Variants in TIAM2 observed in about 807,000 individuals in gnomAD.
TIAM2 encodes the protein rho guanine nucleotide exchange factor TIAM2.
TIAM2 carries 80 observed loss-of-function variants against 152.9 expected under a neutral mutation model. The observed-to-expected ratio is 0.52, with a 90% confidence interval of 0.44 to 0.63. The LOEUF (loss-of-function observed/expected upper bound fraction) is 0.63. Among genes scored for constraint, TIAM2 ranks in the 30% least tolerant of loss-of-function variants. TIAM2 has a pLI of 0.00. For synonymous variants in TIAM2, 804 were observed against 838.0 expected (o/e 0.96, Z 0.70); for missense variants, 1,965 against 2,120.1 (o/e 0.93, Z 1.44).
chr6:155,056,561 GTTTT>G (rs1023509710), intron 1 of TIAM2, among the ~76,000 whole-genome samples: 8 of 152,048 alleles, frequency 5.3e-5, no homozygotes, highest in African/African-American at 1.9e-4. Context: ...CTCTTTTGCA[GTTTT>G]TTTGCACTCT....
At chr6:155,195,130 A>T (rs1404885022) in intron 14 of TIAM2, among the ~76,000 whole-genome samples, 1 of 152,190 alleles carries the variant, frequency 6.6e-6, no homozygotes, top group African/African-American at 2.4e-5. Flanking sequence ...TACAAACATT[A>T]ACTTTATTTT....
intron 15 of TIAM2, among the ~76,000 whole-genome samples, chr6:155,224,604 A>G (rs1313140629): frequency 6.6e-6 from 1 of 152,208 alleles, no homozygotes; most frequent in Non-Finnish European, 1.5e-5. Context: ...TTTGTTTTAA[A>G]GGCACCCCCA....
chr6:155,106,353 A>C (rs1422779340), intron 2 of TIAM2, among the ~76,000 whole-genome samples: 1 of 152,168 alleles, frequency 6.6e-6, no homozygotes, highest in Non-Finnish European at 1.5e-5. Context: ...AGGATATAGC[A>C]AGACCCCAAA....
intron 1 of TIAM2, among the ~76,000 whole-genome samples, chr6:155,002,807 A>G (rs896771380): frequency 2.0e-5 from 3 of 151,190 alleles, no homozygotes; most frequent in African/African-American, 7.3e-5. Context: ...TAGCTTCCCA[A>G]GTAGTTGGGA....
intron 1 of TIAM2, among the ~76,000 whole-genome samples, chr6:154,996,997 A>G (rs1008521459): frequency 6.9e-6 from 1 of 144,404 alleles, no homozygotes; most frequent in Non-Finnish European, 1.5e-5. Context: ...CAACACCTTC[A>G]CATACCATAC....
chr6:155,117,266 T>C (rs923146516), intron 2 of TIAM2, among the ~76,000 whole-genome samples: 5 of 130,502 alleles, frequency 3.8e-5, no homozygotes, highest in East Asian at 2.8e-4. Context: ...ATTTTGTAAT[T>C]TTGCTTGAAA....
chr6:155,241,106 G>T (rs1370212234), intron 16 of TIAM2, among the ~76,000 whole-genome samples: 1 of 152,226 alleles, frequency 6.6e-6, no homozygotes, highest in Non-Finnish European at 1.5e-5. Context: ...AGTCTTGGCG[G>T]TGGCCCGGGC....
At chr6:155,010,581 G>A (rs375872722) in intron 1 of TIAM2, among the ~76,000 whole-genome samples, 23 of 152,094 alleles carry the variant, frequency 1.5e-4, no homozygotes, top group Non-Finnish European at 3.1e-4. Context: ...TCAGCCTCCC[G>A]AGTAGCTGGG....
At position 155,156,665 on chromosome 6, in the gene TIAM2, A is replaced by T. The variant is rs1350137855; in HGVS notation, c.2029-7750A>T. Among the ~76,000 whole-genome samples, 1 of 152,066 alleles carries T rather than the reference A, an allele frequency of 6.6e-6. No homozygotes were observed. The highest frequency in any genetic ancestry group is 1.5e-5 in the Non-Finnish European group (1 of 68,016). On this transcript the variant is annotated intron_variant, in intron 7 of 26. Coordinates refer to ENST00000682666, the MANE Select transcript of TIAM2 (RefSeq NM_012454.4). The surrounding 1 kb of genome is among the most constrained non-coding windows in gnomAD (Gnocchi z 4.4). ...AGAGTGATATGTCTCAAAATAAATA[A>T]ATAAATAAATAAAGTAAAAAAATAA...
intron 7 of TIAM2, among the ~76,000 whole-genome samples, chr6:155,150,038 A>G (rs1779917177): frequency 6.6e-6 from 1 of 151,934 alleles, no homozygotes; most frequent in South Asian, 2.1e-4. Flanking sequence ...TCAATTGGCA[A>G]TAGCAAAATA....
intron 7 of TIAM2, among the ~76,000 whole-genome samples, chr6:155,161,659 C>T (rs1208848130): frequency 8.0e-5 from 12 of 150,932 alleles, no homozygotes; most frequent in South Asian, 4.2e-4. Flanking sequence ...CCTCCACCTC[C>T]GGGGTTCAAG....
chr6:155,093,054 A>C (rs936922634), intron 2 of TIAM2, among the ~76,000 whole-genome samples: 14 of 152,304 alleles, frequency 9.2e-5, no homozygotes, highest in African/African-American at 2.6e-4. Context: ...ACTGTTTGCA[A>C]ACATGCCATT....
intron 7 of TIAM2, among the ~76,000 whole-genome samples, chr6:155,158,371 T>C (rs768205205): frequency 9.9e-5 from 15 of 152,208 alleles, no homozygotes; most frequent in African/African-American, 2.2e-4. Flanking sequence ...AAATTTTGCA[T>C]TGAATTTGTG....
At chr6:155,182,863 T>A (rs1034216925) in intron 13 of TIAM2, among the ~76,000 whole-genome samples, 6 of 152,230 alleles carry the variant, frequency 3.9e-5, no homozygotes, top group African/African-American at 1.4e-4. Context: ...TGAGCTGAGA[T>A]CTTTCAAACT....
At chr6:155,239,869 T>A (rs1391379250) in intron 15 of TIAM2, among the ~76,000 whole-genome samples, 3 of 152,198 alleles carry the variant, frequency 2.0e-5, no homozygotes, top group African/African-American at 4.8e-5. Context: ...GCCTGTGCGC[T>A]CTGCAGGGCT....
chr6:155,033,871 C>T (rs1278109535), intron 1 of TIAM2, among the ~76,000 whole-genome samples: 1 of 152,010 alleles, frequency 6.6e-6, no homozygotes, highest in African/African-American at 2.4e-5. Flanking sequence ...TGCGTGCCAC[C>T]ACACCCGGCT....
intron 2 of TIAM2, among the ~76,000 whole-genome samples, chr6:155,126,602 G>A (rs1394349164): frequency 5.9e-5 from 9 of 152,158 alleles, no homozygotes; most frequent in Admixed American, 2.0e-4. Context: ...GTGGTGGTGC[G>A]TGCCTGTAAT....
intron 2 of TIAM2, among the ~76,000 whole-genome samples, chr6:155,115,184 AAAG>A (rs1778981484): frequency 6.6e-6 from 1 of 151,950 alleles, no homozygotes. Flanking sequence ...AAAAAAAAAA[AAAG>A]GAATAATTTC....
intron 25 of TIAM2, 90 bp from the exon 26 acceptor site, chr6:155,254,329 G>A (rs2115365805): frequency 6.5e-7 from 1 of 1,533,112 alleles, no homozygotes; most frequent in Non-Finnish European, 8.9e-7. Flanking sequence ...GGTCCAGCAG[G>A]TGCAAGGCAC....
Sources: gnomAD v4.1 joint callset for allele counts (sites outside exome capture counted in the v4.1 genomes callset) on GRCh38, gnomAD v4.1.1 for gene constraint, Gnocchi (gnomAD v3.1) non-coding constraint, MANE v1.5 for transcripts, NCBI Gene and HGNC (gene_info 2026-07-23, HGNC 2026-07-21) for gene names.